Variants in PDE1C observed in about 807,000 individuals in gnomAD.
The protein encoded by PDE1C is phosphodiesterase 1C.
Under a neutral mutation model 93.1 loss-of-function variants are expected in PDE1C, and 62 were observed. That is an observed-to-expected ratio of 0.67 (90% CI 0.54 to 0.82). The LOEUF is 0.82. Among genes scored for constraint, PDE1C ranks in the 40% least tolerant of loss-of-function variants. The pLI, the probability that PDE1C is intolerant of heterozygous loss-of-function variation, is 0.00. For missense variants in PDE1C, 742 were observed against 884.6 expected, an observed-to-expected ratio of 0.84 and a Z score of 2.04; for synonymous variants, 325 against 310.1, an observed-to-expected ratio of 1.05 and a Z score of -0.50.
the PDE1C span, among the ~76,000 whole-genome samples, chr7:31,692,214 G>A: frequency 6.6e-6 from 1 of 152,144 alleles, no homozygotes; most frequent in Admixed American, 6.5e-5. Context: ...GAGGGTGGGA[G>A]GGTTCATTTT....
At chr7:31,914,673 T>C (rs1052819764) in intron 2 of PDE1C, among the ~76,000 whole-genome samples, 5 of 152,208 alleles carry the variant, frequency 3.3e-5, no homozygotes, top group Non-Finnish European at 7.3e-5. Context: ...TATAAGACAT[T>C]GCCTCAAGAA....
At chr7:31,832,105 A>C (rs1790488768) in intron 11 of PDE1C, among the ~76,000 whole-genome samples, 1 of 152,184 alleles carries the variant, frequency 6.6e-6, no homozygotes, top group Admixed American at 6.5e-5. Flanking sequence ...AGGCCAGTGA[A>C]GGCACTATAA....
chr7:32,365,809 C>T (rs994050837), intron 1 of PDE1C, among the ~76,000 whole-genome samples: 3 of 152,198 alleles, frequency 2.0e-5, no homozygotes, highest in Non-Finnish European at 4.4e-5. Context: ...TCAGCCTAGA[C>T]CACTGAGACA....
chr7:31,970,302 G>T (rs6462318), intron 2 of PDE1C, among the ~76,000 whole-genome samples: 64,923 of 151,902 alleles, frequency 0.43, 14,749 homozygotes, highest in African/African-American at 0.57. Flanking sequence ...GAAACCAGAA[G>T]GATATCTTTA....
chr7:32,006,387 A>G (rs1051443644), intron 2 of PDE1C, among the ~76,000 whole-genome samples: 27 of 152,202 alleles, frequency 1.8e-4, no homozygotes, highest in African/African-American at 5.3e-4. Flanking sequence ...CCCACACTAT[A>G]CAATACAGGG....
At chr7:32,271,053 A>C (rs1307715706) in intron 1 of PDE1C, among the ~76,000 whole-genome samples, 1 of 152,118 alleles carries the variant, frequency 6.6e-6, no homozygotes, top group Non-Finnish European at 1.5e-5. Flanking sequence ...CTGGAGAATC[A>C]CTTGAACCCA....
At chr7:31,673,050 C>T in the PDE1C span, among the ~76,000 whole-genome samples, 1 of 152,180 alleles carries the variant, frequency 6.6e-6, no homozygotes, top group Non-Finnish European at 1.5e-5. Flanking sequence ...CCTGAGGCCT[C>T]CTCTGCCACA....
intron 1 of PDE1C, among the ~76,000 whole-genome samples, chr7:32,276,053 G>C (rs1247738629): frequency 6.6e-6 from 1 of 151,998 alleles, no homozygotes; most frequent in Non-Finnish European, 1.5e-5. Context: ...CATTTACTTT[G>C]GGTATAAATG....
At chr7:31,689,989 G>A in the PDE1C span, among the ~76,000 whole-genome samples, 20 of 152,212 alleles carry the variant, frequency 1.3e-4, no homozygotes, top group Non-Finnish European at 1.3e-4. Context: ...GAGCTATGCT[G>A]TGGAGGAAGC....
At chr7:31,729,777 A>G in the PDE1C span, among the ~76,000 whole-genome samples, 1 of 152,186 alleles carries the variant, frequency 6.6e-6, no homozygotes, top group African/African-American at 2.4e-5. Context: ...TTAACCCAGG[A>G]TCTGTAACTA....
At chr7:31,624,696 C>G in the PDE1C span, among the ~76,000 whole-genome samples, 1 of 150,384 alleles carries the variant, frequency 6.6e-6, no homozygotes, top group Admixed American at 6.6e-5. Flanking sequence ...CATTACCATT[C>G]AGGACATAGG....
the PDE1C span, among the ~76,000 whole-genome samples, chr7:31,627,449 G>A: frequency 6.6e-6 from 1 of 152,026 alleles, no homozygotes; most frequent in Non-Finnish European, 1.5e-5. Context: ...CTGACGCCCA[G>A]GAGTTCAAGA....
At chr7:32,125,014 C>A (rs1013076744) in intron 3 of PDE1C, among the ~76,000 whole-genome samples, 8 of 152,032 alleles carry the variant, frequency 5.3e-5, no homozygotes, top group Admixed American at 4.6e-4. Flanking sequence ...GGAACTTAAA[C>A]AAATTTACAA....
At chr7:32,176,529 C>T (rs1802996942) in intron 2 of PDE1C, among the ~76,000 whole-genome samples, 1 of 151,572 alleles carries the variant, frequency 6.6e-6, no homozygotes, top group African/African-American at 2.4e-5. Flanking sequence ...ATATAGTTAA[C>T]AAAAAAATTT....
At chr7:31,901,390 A>T (rs944591817) in intron 2 of PDE1C, among the ~76,000 whole-genome samples, 1 of 146,260 alleles carries the variant, frequency 6.8e-6, no homozygotes, top group Non-Finnish European at 1.6e-5. Context: ...TATTCAATAT[A>T]ACAGCCAAAG....
At chr7:31,622,422 G>A in the PDE1C span, among the ~76,000 whole-genome samples, 12 of 151,874 alleles carry the variant, frequency 7.9e-5, no homozygotes, top group African/African-American at 2.4e-4. Flanking sequence ...AGACCACAGT[G>A]CAATCAAACT....
rs1258729668 is a variant in PDE1C, at chr7:32,350,605, TTTA to T, written c.310+77214_310+77216del. On this transcript the variant is annotated intron_variant, in intron 1 of 1. Coordinates refer to the PDE1C transcript ENST00000672256. ...ATATATATATATTTTTTTTTTTTTT[TTTA>T]TTATACTCTAAGTTTTAGGGTACAT... Among the ~76,000 whole-genome samples the T allele has an allele frequency of 4.9e-4, 12 of 24,588 alleles. 2 individuals carry two copies. Among genetic ancestry groups the T allele is most frequent in the East Asian group, 2.2e-3 (1 of 458 alleles). 16.1% of individuals were successfully genotyped at this position (24,588 alleles called of 152,430 possible). A position where few individuals can be genotyped will look rare whatever the true frequency, so the allele number is the denominator to read the frequency against.
intron 2 of PDE1C, among the ~76,000 whole-genome samples, chr7:32,026,008 C>T (rs1349197601): frequency 6.6e-6 from 1 of 152,096 alleles, no homozygotes; most frequent in Non-Finnish European, 1.5e-5. Context: ...TATCAGAAAA[C>T]AAAAGCTGCC....
At chr7:32,104,071 G>A (rs2128751487) in intron 3 of PDE1C, among the ~76,000 whole-genome samples, 1 of 152,254 alleles carries the variant, frequency 6.6e-6, no homozygotes, top group South Asian at 2.1e-4. Context: ...ATCTGACTGA[G>A]ATGAGTTCCA....
Sources: allele counts gnomAD v4.1 joint callset (sites outside exome capture counted in the v4.1 genomes callset), GRCh38; gene constraint gnomAD v4.1.1; transcripts MANE v1.5; gene names NCBI Gene and HGNC (gene_info 2026-07-23, HGNC 2026-07-21).